KCNJ4: variants seen among roughly 807,000 people sequenced by gnomAD.
KCNJ4 encodes inward rectifier potassium channel 4.
KCNJ4 carries 3 observed loss-of-function variants against 25.6 expected under a neutral mutation model. That is an observed-to-expected ratio of 0.12 (90% CI 0.05 to 0.30). The LOEUF (loss-of-function observed/expected upper bound fraction) is 0.30, where lower values mean the gene tolerates loss of function less well. Ranked by LOEUF, KCNJ4 falls within the 10% of genes least tolerant of loss-of-function variation. The probability of loss-of-function intolerance (pLI) is 1.00; values close to 1 mark genes in which losing one functional copy is unlikely to be tolerated. For missense variants in KCNJ4, 286 were observed against 666.8 expected (o/e 0.43, Z 6.29); for synonymous variants, 257 against 283.9 (o/e 0.91, Z 0.95).
chr22:38,445,547 G>A (rs567376486), intron 1 of KCNJ4, among the ~76,000 whole-genome samples: 2 of 152,144 alleles, frequency 1.3e-5, no homozygotes, highest in East Asian at 1.9e-4. Flanking sequence ...GCAGTGATGC[G>A]ATCACAGCTC....
In KCNJ4 at chr22:38,449,748, C is replaced by T. The variant is rs989366993; in HGVS notation, c.-40+5232G>A. On this transcript the variant is annotated intron_variant, in intron 1 of 1. Transcript: ENST00000303592. This position sits in a 1 kb window ranked among gnomAD's most constrained non-coding sequence, Gnocchi z 5.2. Reference sequence around the variant, plus strand: ...CAGCCTGTTTCCAGCCAGCCACTTCCCCTTGCTGAGCCTCAGTTTCCCCTT... The same window carrying T: ...CAGCCTGTTTCCAGCCAGCCACTTCTCCTTGCTGAGCCTCAGTTTCCCCTT... Among the ~76,000 whole-genome samples, 1 of 152,188 alleles carries T rather than the reference C, an allele frequency of 6.6e-6. No individual in the cohort carries two copies. Among genetic ancestry groups the T allele is most frequent in the Non-Finnish European group, 1.5e-5 (1 of 68,026 alleles).
chr22:38,442,146 G>C (rs1412554746), intron 1 of KCNJ4, among the ~76,000 whole-genome samples: 2 of 152,156 alleles, frequency 1.3e-5, no homozygotes, highest in Non-Finnish European at 2.9e-5. Flanking sequence ...ATTCCCGTTT[G>C]TGTCTTTTTA....
In KCNJ4 at chr22:38,426,634, G is replaced by A; in HGVS notation, c.*161C>T. ...GAGCTCTTCCCAGGCCTGGGTGCTGGAGTCAGGAGGAAGGGGTCCCCCAGT... is the reference window on the plus strand; with the variant it reads ...GAGCTCTTCCCAGGCCTGGGTGCTGAAGTCAGGAGGAAGGGGTCCCCCAGT... On this transcript the variant is annotated 3_prime_UTR_variant, in exon 2 of 2. Transcript: ENST00000303592. The A allele has an allele frequency of 1.1e-6, 1 of 880,222 alleles. No homozygotes were observed. Among genetic ancestry groups the A allele is most frequent in the South Asian group, 1.7e-5 (1 of 58,472 alleles). The allele number at this position is 880,222 out of a possible 1,614,324, so 54.5% of individuals were successfully genotyped here. A position where few individuals can be genotyped will look rare whatever the true frequency, so the allele number is the denominator to read the frequency against.
chr22:38,452,632 G>A lies in KCNJ4; in HGVS notation c.-40+2348C>T, dbSNP rs992428551. On this transcript the variant is annotated intron_variant, in intron 1 of 1. Coordinates refer to ENST00000303592, the MANE Select transcript of KCNJ4 (RefSeq NM_152868.3). The stretch of plus-strand genomic sequence containing the variant: ...TCTCAGAAGAGAGACGACAGATTGC[G>A]TGAGCCAAATTTGGCATCCTAGGGG... Among the ~76,000 whole-genome samples, 9 of 152,260 alleles carry A rather than the reference G, an allele frequency of 5.9e-5. No homozygotes were observed. The East Asian group carries it at 1.5e-3, about 26-fold the overall frequency.
intron 1 of KCNJ4, among the ~76,000 whole-genome samples, chr22:38,435,608 G>A (rs1345138664): frequency 6.6e-6 from 1 of 151,144 alleles, no homozygotes; most frequent in African/African-American, 2.4e-5. Context: ...AAGGAGAATC[G>A]CTTGAACCCA....
intron 1 of KCNJ4, among the ~76,000 whole-genome samples, chr22:38,448,199 T>C (rs780107696): frequency 5.4e-5 from 8 of 149,312 alleles, no homozygotes; most frequent in African/African-American, 9.9e-5. Context: ...TGAGCTGAGA[T>C]TGTGCCATTG....
intron 1 of KCNJ4, among the ~76,000 whole-genome samples, chr22:38,434,295 C>T (rs1050208925): frequency 2.6e-5 from 4 of 152,166 alleles, no homozygotes; most frequent in African/African-American, 9.7e-5. Flanking sequence ...CAGAGCTCAG[C>T]CTTGGGGATC....
chr22:38,449,471 C>T lies in KCNJ4; in HGVS notation c.-40+5509G>A, dbSNP rs2089397212. ...CTGCAGCAATACCCTGAGAACACTGCTCTCACCCCAGCCACCAAGCAACGG... is the reference window on the plus strand; with the variant it reads ...CTGCAGCAATACCCTGAGAACACTGTTCTCACCCCAGCCACCAAGCAACGG... On this transcript the variant is annotated intron_variant, in intron 1 of 1. Coordinates refer to ENST00000303592, the MANE Select transcript of KCNJ4 (RefSeq NM_152868.3). The surrounding 1 kb of genome is among the most constrained non-coding windows in gnomAD (Gnocchi z 5.2). 6.6e-6 allele frequency among the ~76,000 whole-genome samples: 1 copy of T among 152,234 alleles called. No individual in the cohort carries two copies. The highest frequency in any genetic ancestry group is 1.5e-5 in the Non-Finnish European group (1 of 68,030).
rs1602638264 is a variant in KCNJ4, at chr22:38,437,814, T to C, written c.-39-9643A>G. ...TTTGTGGAAGTGGGGTGTAGAATAC[T>C]CCAGGAGGTCGGGCGCAGTGGCTCA... On this transcript the variant is annotated intron_variant, in intron 1 of 1. Transcript: ENST00000303592. Among the ~76,000 whole-genome samples the C allele has an allele frequency of 3.9e-5, 6 of 152,174 alleles. No individual in the cohort carries two copies. The South Asian group carries it at 1.2e-3, about 32-fold the overall frequency.
rs139592873 is a variant in KCNJ4 at position 38,444,141 on chromosome 22, G to T, written c.-40+10839C>A. On this transcript the variant is annotated intron_variant, in intron 1 of 1. Coordinates refer to ENST00000303592, the MANE Select transcript of KCNJ4 (RefSeq NM_152868.3). ...TCCCATCCAGCTCTCAGATCTTCCTGGCAGCCCTTAGCAGTCAAACCAGTC... is the reference window on the plus strand; with the variant it reads ...TCCCATCCAGCTCTCAGATCTTCCTTGCAGCCCTTAGCAGTCAAACCAGTC... 7.9e-3 allele frequency among the ~76,000 whole-genome samples: 1,202 copies of T among 152,184 alleles called. 7 individuals carry two copies. The highest frequency in any genetic ancestry group is 0.017 in the Middle Eastern group (5 of 294).
At chr22:38,437,360 C>T (rs1191468964) in intron 1 of KCNJ4, among the ~76,000 whole-genome samples, 1 of 152,236 alleles carries the variant, frequency 6.6e-6, no homozygotes, top group African/African-American at 2.4e-5. Flanking sequence ...TCGAGAGCTT[C>T]CCACCCTCCA....
At chr22:38,438,151 A>C (rs565684118) in intron 1 of KCNJ4, among the ~76,000 whole-genome samples, 1 of 146,826 alleles carries the variant, frequency 6.8e-6, no homozygotes, top group South Asian at 2.2e-4. Context: ...AGGCAGGAGA[A>C]TTGCTTGAAC....
intron 1 of KCNJ4, among the ~76,000 whole-genome samples, chr22:38,442,106 G>C (rs947035756): frequency 2.0e-5 from 3 of 152,030 alleles, no homozygotes; most frequent in Non-Finnish European, 1.5e-5. Context: ...AGGTGGCTGG[G>C]GACAGGGTGG....
chr22:38,453,543 T>A (rs542341167), intron 1 of KCNJ4, among the ~76,000 whole-genome samples: 1 of 152,202 alleles, frequency 6.6e-6, no homozygotes, highest in African/African-American at 2.4e-5. Context: ...TCATCTCTCT[T>A]AAGGTAAAGT....
intron 1 of KCNJ4, among the ~76,000 whole-genome samples, chr22:38,438,711 GA>G: frequency 2.0e-5 from 3 of 151,026 alleles, no homozygotes; most frequent in Non-Finnish European, 4.4e-5. Flanking sequence ...AAAAAAGAAA[GA>G]AAGAAAGAAA....
intron 1 of KCNJ4, among the ~76,000 whole-genome samples, chr22:38,454,520 A>C (rs1468731222): frequency 1.3e-5 from 2 of 152,118 alleles, no homozygotes; most frequent in Admixed American, 6.5e-5. Context: ...TGTGGCGCCA[A>C]GTAGGTGCTC....
chr22:38,435,615 C>A (rs2093063110), intron 1 of KCNJ4, among the ~76,000 whole-genome samples: 1 of 151,604 alleles, frequency 6.6e-6, no homozygotes, highest in South Asian at 2.1e-4. Flanking sequence ...ATCGCTTGAA[C>A]CCAGGAGGCA....
chr22:38,448,254 A>G (rs1247835315), intron 1 of KCNJ4, among the ~76,000 whole-genome samples: 5 of 150,894 alleles, frequency 3.3e-5, no homozygotes, highest in African/African-American at 1.2e-4. Flanking sequence ...CTTAAAAAAA[A>G]AAAAAAAAAA....
intron 1 of KCNJ4, among the ~76,000 whole-genome samples, chr22:38,444,205 C>A (rs1057079594): frequency 6.6e-6 from 1 of 152,224 alleles, no homozygotes; most frequent in Non-Finnish European, 1.5e-5. Flanking sequence ...CCTTGCCTCC[C>A]TACTTCACCC....
Sources: gnomAD v4.1 joint callset for allele counts (sites outside exome capture counted in the v4.1 genomes callset) on GRCh38, gnomAD v4.1.1 for gene constraint, Gnocchi (gnomAD v3.1) non-coding constraint, MANE v1.5 for transcripts, NCBI Gene and HGNC (gene_info 2026-07-23, HGNC 2026-07-21) for gene names.